Variants in ALK observed in about 807,000 individuals in gnomAD.
ALK encodes the protein ALK receptor tyrosine kinase.
In ALK, 74 loss-of-function variants were observed where a neutral mutation model predicts 163.1. The observed-to-expected ratio is 0.45, with a 90% confidence interval of 0.38 to 0.55. The LOEUF is 0.55. Ranked by LOEUF, ALK falls within the 20% of genes least tolerant of loss-of-function variation. The pLI is 0.00. For missense variants in ALK, 2,063 were observed against 2,105.3 expected, an observed-to-expected ratio of 0.98 and a Z score of 0.39; for synonymous variants, 960 against 843.2, an observed-to-expected ratio of 1.14 and a Z score of -2.40.
intron 5 of ALK, among the ~76,000 whole-genome samples, chr2:29,355,457 A>G (rs755497172): frequency 5.9e-5 from 9 of 151,986 alleles, no homozygotes; most frequent in Non-Finnish European, 8.8e-5. Flanking sequence ...GCTCCCTGCT[A>G]ACACACACAC....
At chr2:29,770,922 C>T (rs372823470) in intron 1 of ALK, among the ~76,000 whole-genome samples, 69 of 151,978 alleles carry the variant, frequency 4.5e-4, no homozygotes, top group African/African-American at 7.7e-4. Context: ...GTCACACACA[C>T]GCAGTCACAC....
chr2:29,580,395 G>A (rs1296516998), intron 3 of ALK, among the ~76,000 whole-genome samples: 2 of 152,152 alleles, frequency 1.3e-5, no homozygotes, highest in East Asian at 1.9e-4. Flanking sequence ...CCCTTTCTCT[G>A]TAATGCACAG....
intron 1 of ALK, among the ~76,000 whole-genome samples, chr2:29,803,880 G>GTAAAAA (rs1236834170): frequency 2.7e-4 from 41 of 152,156 alleles, no homozygotes; most frequent in Non-Finnish European, 1.0e-4. Context: ...CTGCCTCAAT[G>GTAAAAA]TCCCTTACAG....
intron 5 of ALK, among the ~76,000 whole-genome samples, chr2:29,352,385 T>A (rs1668140233): frequency 6.6e-6 from 1 of 152,242 alleles, no homozygotes; most frequent in South Asian, 2.1e-4. Context: ...CTCCAGCTGC[T>A]AGGGCCACGT....
intron 1 of ALK, among the ~76,000 whole-genome samples, chr2:29,889,698 A>AG (rs1667091395): frequency 8.5e-4 from 1 of 1,176 alleles, no homozygotes; most frequent in Non-Finnish European, 2.7e-3. Flanking sequence ...AGATAGACAG[A>AG]GAGAGAGAGA....
intron 26 of ALK, among the ~76,000 whole-genome samples, chr2:29,203,676 G>A (rs890905990): frequency 1.1e-4 from 17 of 151,028 alleles, no homozygotes; most frequent in African/African-American, 2.2e-4. Flanking sequence ...TAGTAGAGAC[G>A]GGTTTCACCA....
chr2:29,691,958 A>C (rs1177692415), intron 3 of ALK, among the ~76,000 whole-genome samples: 1 of 152,144 alleles, frequency 6.6e-6, no homozygotes, highest in Non-Finnish European at 1.5e-5. Flanking sequence ...TGGAATATAA[A>C]TTTTTAAAAA....
At chr2:29,856,127 T>C (rs551476288) in intron 1 of ALK, among the ~76,000 whole-genome samples, 2 of 152,250 alleles carry the variant, frequency 1.3e-5, no homozygotes, top group East Asian at 3.9e-4. Context: ...GTAAAAAAAA[T>C]GACACAGAGT....
intron 5 of ALK, among the ~76,000 whole-genome samples, chr2:29,354,275 C>T (rs570188289): frequency 5.9e-5 from 9 of 152,314 alleles, no homozygotes; most frequent in East Asian, 3.9e-4. Context: ...CTCTGCGCTG[C>T]GTGACTCCTT....
At chr2:29,564,218 G>A (rs891265516) in intron 3 of ALK, among the ~76,000 whole-genome samples, 25 of 151,960 alleles carry the variant, frequency 1.6e-4, no homozygotes, top group African/African-American at 5.6e-4. Flanking sequence ...CAACTCCCTG[G>A]GATAATACTT....
intron 4 of ALK, among the ~76,000 whole-genome samples, chr2:29,501,984 T>C (rs186916993): frequency 1.3e-5 from 2 of 152,318 alleles, no homozygotes; most frequent in East Asian, 1.9e-4. Flanking sequence ...TCACACACAT[T>C]GTAGCAGGTG....
At chr2:29,854,626 A>G (rs1420721856) in intron 1 of ALK, among the ~76,000 whole-genome samples, 1 of 152,180 alleles carries the variant, frequency 6.6e-6, no homozygotes, top group Admixed American at 6.5e-5. Flanking sequence ...CACAAAATGC[A>G]CTAATGTAGT....
chr2:29,532,215 G>T, intron 3 of ALK, 99 bp from the exon 4 acceptor site: 1 of 1,113,304 alleles, frequency 9.0e-7, no homozygotes, highest in Non-Finnish European at 1.3e-6. Context: ...CAAAATCAGA[G>T]ATACTGGAGG....
At chr2:29,843,437 G>T (rs1665752541) in intron 1 of ALK, among the ~76,000 whole-genome samples, 1 of 152,130 alleles carries the variant, frequency 6.6e-6, no homozygotes, top group African/African-American at 2.4e-5. Flanking sequence ...AAGAAGGAAG[G>T]AGGAAGAAAA....
intron 3 of ALK, among the ~76,000 whole-genome samples, chr2:29,582,912 G>T (rs1483421915): frequency 6.8e-6 from 1 of 147,704 alleles, no homozygotes; most frequent in Non-Finnish European, 1.5e-5. Context: ...ACCCACTCTG[G>T]AGTGTGGTAG....
At chr2:29,413,542 A>AT (rs1315128908) in intron 4 of ALK, among the ~76,000 whole-genome samples, 3 of 146,340 alleles carry the variant, frequency 2.1e-5, no homozygotes, top group African/African-American at 5.1e-5. Context: ...TTATTTATTT[A>AT]TTTTTTTAAG....
intron 26 of ALK, among the ~76,000 whole-genome samples, chr2:29,203,852 C>G (rs572933092): frequency 8.6e-4 from 131 of 152,108 alleles, no homozygotes; most frequent in Non-Finnish European, 1.1e-3. Flanking sequence ...AATTTATGTC[C>G]TGTGCTAGGA....
chr2:29,378,453 C>T (rs11694379), intron 5 of ALK, among the ~76,000 whole-genome samples: 1 of 152,032 alleles, frequency 6.6e-6, no homozygotes, highest in African/African-American at 2.4e-5. Context: ...AGCCAGATGG[C>T]CTCCATTTCA....
chr2:29,485,084 C>T (rs1671749038), intron 4 of ALK, among the ~76,000 whole-genome samples: 1 of 152,134 alleles, frequency 6.6e-6, no homozygotes, highest in Non-Finnish European at 1.5e-5. Flanking sequence ...TTCTTCGGTT[C>T]CAGAAAATAC....
Sources: gnomAD v4.1 joint callset for allele counts (sites outside exome capture counted in the v4.1 genomes callset) on GRCh38, gnomAD v4.1.1 for gene constraint, MANE v1.5 for transcripts, NCBI Gene and HGNC (gene_info 2026-07-23, HGNC 2026-07-21) for gene names.